The following CPB2 variants were observed in gnomAD, a reference collection of about 807,000 sequenced individuals.
The protein encoded by CPB2 is carboxypeptidase B2, also known as carboxypeptidase B-like protein.
A neutral mutation model predicts 57.0 loss-of-function variants in CPB2; 54 were observed. The observed-to-expected ratio is 0.95, with a 90% CI of 0.76 to 1.19. CPB2 has a LOEUF of 1.19. Among genes scored for constraint, CPB2 ranks in the 50% most tolerant of loss-of-function variants. CPB2 has a pLI of 0.00. For synonymous variants in CPB2, 189 were observed against 178.1 expected (o/e 1.06, Z -0.49); for missense variants, 426 against 512.0 (o/e 0.83, Z 1.62).
intron 8 of CPB2, 78 bp from the exon 9 acceptor site, chr13:46,058,459 TCTC>T (rs751589595): frequency 4.1e-6 from 5 of 1,224,818 alleles, no homozygotes; most frequent in Non-Finnish European, 6.0e-6. Context: ...GACAACGTAT[TCTC>T]CTACCTATGT....
chr13:46,095,876 C>CTT (rs34686626), intron 1 of CPB2, among the ~76,000 whole-genome samples: 24,906 of 85,528 alleles, frequency 0.29, 4,540 homozygotes, highest in Non-Finnish European at 0.33. Flanking sequence ...GGCTATAGGA[C>CTT]TTTTTTTTTT....
intron 8 of CPB2, among the ~76,000 whole-genome samples, chr13:46,063,923 G>A (rs1397812621): frequency 1.3e-5 from 2 of 151,574 alleles, no homozygotes; most frequent in Admixed American, 6.6e-5. Flanking sequence ...TGAAAAAAAT[G>A]TCTTCAAACA....
chr13:46,064,805 G>GC, intron 7 of CPB2, 64 bp from the exon 8 acceptor site: 3 of 1,292,510 alleles, frequency 2.3e-6, no homozygotes, highest in Non-Finnish European at 3.3e-6. Flanking sequence ...GGAAAGACAT[G>GC]CATTTGAAAG....
chr13:46,076,910 G>A (rs1014193387), intron 5 of CPB2, among the ~76,000 whole-genome samples: 14 of 152,076 alleles, frequency 9.2e-5, no homozygotes, highest in Non-Finnish European at 1.5e-4. Context: ...CCTATCTCTC[G>A]CCTTATATAT....
chr13:46,058,933 A>G (rs2044733825), intron 8 of CPB2, among the ~76,000 whole-genome samples: 1 of 152,184 alleles, frequency 6.6e-6, no homozygotes, highest in Non-Finnish European at 1.5e-5. Flanking sequence ...TATAATTTGC[A>G]TCACTTGAGA....
At chr13:46,086,360 C>T (rs1333507010) in intron 2 of CPB2, among the ~76,000 whole-genome samples, 1 of 152,266 alleles carries the variant, frequency 6.6e-6, no homozygotes, top group Non-Finnish European at 1.5e-5. Context: ...TGAAGAGGAG[C>T]TTTACTGAGT....
At chr13:46,093,158 C>T (rs2045317724) in intron 1 of CPB2, among the ~76,000 whole-genome samples, 1 of 152,146 alleles carries the variant, frequency 6.6e-6, no homozygotes, top group Admixed American at 6.5e-5. Context: ...GACAATCCAC[C>T]CGCCTCAGCC....
chr13:46,095,876 CTTTTT>C (rs34686626), intron 1 of CPB2, among the ~76,000 whole-genome samples: 1 of 85,746 alleles, frequency 1.2e-5, no homozygotes, highest in Non-Finnish European at 2.2e-5. Flanking sequence ...GGCTATAGGA[CTTTTT>C]TTTTTTTTTT....
chr13:46,065,807 A>C (rs2044846444), intron 7 of CPB2, among the ~76,000 whole-genome samples: 1 of 151,990 alleles, frequency 6.6e-6, no homozygotes, highest in Non-Finnish European at 1.5e-5. Flanking sequence ...AAGTTCTCAA[A>C]CTGTGGGAAT....
chr13:46,058,349 T>C lies in CPB2; in HGVS notation c.829A>G (p.Thr277Ala). 5 of 1,614,054 alleles carry C rather than the reference T, an allele frequency of 3.1e-6. No homozygotes were observed. Among genetic ancestry groups the C allele is most frequent in the Non-Finnish European group, 4.2e-6 (5 of 1,179,958 alleles). Residue 277 changes from threonine (T) to alanine (A), a missense_variant, in exon 9 of 11, where the codon ACC (threonine) becomes GCC (alanine). Physicochemically the swap from Thr to Ala is moderately conservative, Grantham distance 58. Coordinates refer to ENST00000181383, the MANE Select transcript of CPB2 (RefSeq NM_001872.5). Reference sequence around the variant, plus strand: ...GACTCAGGATAAAGTCCACAGTAGGTTTCCGAGCATGAGGAACTGGATGCA... The same window carrying C: ...GACTCAGGATAAAGTCCACAGTAGGCTTCCGAGCATGAGGAACTGGATGCA... ...EGASSSSCSE[T>A]YCGLYPESEP...
chr13:46,079,535 C>CAAAAAAAAAAAA (rs58164990), intron 4 of CPB2, among the ~76,000 whole-genome samples: 16 of 110,976 alleles, frequency 1.4e-4, no homozygotes, highest in East Asian at 2.7e-4. Context: ...AAGGAAAAAG[C>CAAAAAAAAAAAA]AAAAAAAAAA....
chr13:46,091,799 A>C (rs1000833551), intron 1 of CPB2, among the ~76,000 whole-genome samples: 4 of 152,364 alleles, frequency 2.6e-5, no homozygotes, highest in Admixed American at 2.6e-4. Flanking sequence ...TTATTTTCAC[A>C]TACCACTTAG....
chr13:46,096,334 A>G (rs890708316), intron 1 of CPB2: 1 of 152,272 alleles, frequency 6.6e-6, no homozygotes, highest in Admixed American at 6.6e-5. Flanking sequence ...CCCTCTCCCC[A>G]TTTCTTGCAC....
chr13:46,055,954 G>A, intron 9 of CPB2, 105 bp from the exon 10 acceptor site: 4 of 577,740 alleles, frequency 6.9e-6, no homozygotes, highest in East Asian at 3.0e-5. Flanking sequence ...AAAGTATACA[G>A]GTAGAAAATC....
chr13:46,060,263 C>T (rs2044753469), intron 8 of CPB2, among the ~76,000 whole-genome samples: 1 of 151,984 alleles, frequency 6.6e-6, no homozygotes, highest in African/African-American at 2.4e-5. Context: ...AGGAGTTCGA[C>T]ACCAGCGAGG....
intron 1 of CPB2, among the ~76,000 whole-genome samples, chr13:46,089,625 A>G (rs148094850): frequency 6.6e-6 from 1 of 152,266 alleles, no homozygotes; most frequent in Non-Finnish European, 1.5e-5. Context: ...TTGAAATCCT[A>G]ACCTCCAAGG....
chr13:46,101,926 G>A (rs890572923), intron 1 of CPB2, among the ~76,000 whole-genome samples: 5 of 152,196 alleles, frequency 3.3e-5, no homozygotes, highest in African/African-American at 1.2e-4. Flanking sequence ...TCACCATTCT[G>A]AAAGATTATT....
At chr13:46,076,407 A>C (rs1248185053) in intron 5 of CPB2, among the ~76,000 whole-genome samples, 1 of 151,574 alleles carries the variant, frequency 6.6e-6, no homozygotes, top group Non-Finnish European at 1.5e-5. Flanking sequence ...AAAAAAAAAA[A>C]CCTATAATAA....
rs3742264 is a variant in CPB2, at chr13:46,073,959, C to T, written c.505G>A (p.Ala169Thr). The T allele has an allele frequency of 0.32, 507,663 of 1,578,308 alleles. 83,515 individuals carry two copies. The highest frequency in any genetic ancestry group is 0.39 in the African/African-American group (28,951 of 74,206). The change falls in exon 6 of 11, where the codon GCA becomes ACA. Residue 169 changes from alanine to threonine, a missense_variant. Transcript: ENST00000181383. Reference protein sequence around the residue: ...YVLKVSGKEQAAKNAIWIDCG... With the variant: ...YVLKVSGKEQTAKNAIWIDCG... ...TCAATCCATATGGCATTTTTGGCTGCTTGTTCTTTTCCAGAAACCTGCTCA... is the reference window on the plus strand; with the variant it reads ...TCAATCCATATGGCATTTTTGGCTGTTTGTTCTTTTCCAGAAACCTGCTCA...
Sources: allele counts gnomAD v4.1 joint callset (sites outside exome capture counted in the v4.1 genomes callset), GRCh38; gene constraint gnomAD v4.1.1; transcripts MANE v1.5; gene names NCBI Gene and HGNC (gene_info 2026-07-23, HGNC 2026-07-21).